MYT1L: variants seen among roughly 807,000 people sequenced by gnomAD.
MYT1L encodes myelin transcription factor 1-like protein.
Under a neutral mutation model 126.7 loss-of-function variants are expected in MYT1L, and 12 were observed. That is an observed-to-expected ratio of 0.09 (90% CI 0.06 to 0.15). MYT1L has a LOEUF of 0.15. Among genes scored for constraint, MYT1L ranks in the 10% least tolerant of loss-of-function variants. MYT1L has a pLI of 1.00. For synonymous variants in MYT1L, 541 were observed against 604.2 expected (o/e 0.90, Z 1.53); for missense variants, 979 against 1,585.2 (o/e 0.62, Z 6.49).
chr2:1,794,979 C>T (rs185816423), intron 23 of MYT1L, among the ~76,000 whole-genome samples: 2 of 152,308 alleles, frequency 1.3e-5, no homozygotes, highest in African/African-American at 4.8e-5. Flanking sequence ...CCAGAACCGA[C>T]GGGTATCTGC....
At chr2:1,989,183 A>G (rs1231899670) in intron 5 of MYT1L, among the ~76,000 whole-genome samples, 2 of 152,124 alleles carry the variant, frequency 1.3e-5, no homozygotes, top group African/African-American at 4.8e-5. Context: ...TCTTTTCTAG[A>G]TGAGAATATT....
At chr2:1,968,939 T>C (rs957247014) in intron 8 of MYT1L, among the ~76,000 whole-genome samples, 4 of 152,036 alleles carry the variant, frequency 2.6e-5, no homozygotes, top group African/African-American at 9.7e-5. Context: ...GCCCCCTAGG[T>C]GCTTCTGGGG....
chr2:2,155,060 G>C (rs2086501026), intron 3 of MYT1L, among the ~76,000 whole-genome samples: 1 of 152,232 alleles, frequency 6.6e-6, no homozygotes. Flanking sequence ...CTGGGAGGCA[G>C]AGGTTGCAGT....
chr2:2,239,782 G>A (rs1476954628), intron 2 of MYT1L, among the ~76,000 whole-genome samples: 1 of 152,190 alleles, frequency 6.6e-6, no homozygotes, highest in Non-Finnish European at 1.5e-5. Context: ...AAAGGCAGGT[G>A]GGTAATCTGC....
chr2:1,824,280 T>C (rs969249576), intron 21 of MYT1L: 10 of 152,264 alleles, frequency 6.6e-5, no homozygotes, highest in Non-Finnish European at 1.0e-4. Context: ...TGGTATTTTC[T>C]CCACGTCTCT....
chr2:2,005,099 A>ATGCGTTCTTTCCTGC (rs2063079953), intron 4 of MYT1L, among the ~76,000 whole-genome samples: 1 of 81,452 alleles, frequency 1.2e-5, no homozygotes, highest in African/African-American at 5.1e-5. Flanking sequence ...TTCTTTCCTG[A>ATGCGTTCTTTCCTGC]ATATGTTCTT....
At chr2:2,329,773 G>A (rs766001940) in intron 1 of MYT1L, among the ~76,000 whole-genome samples, 91 of 152,228 alleles carry the variant, frequency 6.0e-4, no homozygotes, top group South Asian at 1.4e-3. Flanking sequence ...TATCACTCAA[G>A]TATAACTTTA....
At chr2:1,858,270 G>C (rs775532769) in intron 18 of MYT1L, among the ~76,000 whole-genome samples, 1 of 152,184 alleles carries the variant, frequency 6.6e-6, no homozygotes, top group South Asian at 2.1e-4. Flanking sequence ...AAAAAGGCTC[G>C]ATACCCATTT....
At chr2:2,276,502 G>A (rs1018548796) in intron 2 of MYT1L, among the ~76,000 whole-genome samples, 2 of 152,154 alleles carry the variant, frequency 1.3e-5, no homozygotes, top group African/African-American at 4.8e-5. Context: ...GCTGGGGAAC[G>A]GGGAGGGCTA....
At chr2:1,823,782 G>A (rs1275177409) in intron 21 of MYT1L, among the ~76,000 whole-genome samples, 3 of 152,298 alleles carry the variant, frequency 2.0e-5, no homozygotes, top group Non-Finnish European at 2.9e-5. Flanking sequence ...GGCTGGAGGC[G>A]TGTTCAGCCC....
chr2:2,068,180 A>G (rs2074105914), intron 3 of MYT1L, among the ~76,000 whole-genome samples: 1 of 152,162 alleles, frequency 6.6e-6, no homozygotes, highest in Non-Finnish European at 1.5e-5. Flanking sequence ...GAGACACTTT[A>G]GAAGCCACCC....
chr2:1,864,951 C>T (rs1030908965), intron 18 of MYT1L, among the ~76,000 whole-genome samples: 1 of 152,176 alleles, frequency 6.6e-6, no homozygotes, highest in Non-Finnish European at 1.5e-5. Flanking sequence ...TAGTTGTGCC[C>T]GATTGCTGAG....
At chr2:2,154,617 A>T (rs1241014903) in intron 3 of MYT1L, among the ~76,000 whole-genome samples, 1 of 152,216 alleles carries the variant, frequency 6.6e-6, no homozygotes, top group Non-Finnish European at 1.5e-5. Context: ...TATAAGTGGG[A>T]CTTGAATGAA....
rs150294414 is a variant in MYT1L, at chr2:1,817,658, G to C, written c.3081-8491C>G. Among the ~76,000 whole-genome samples the C allele has an allele frequency of 7.0e-3, 1,072 of 152,276 alleles. 14 individuals are homozygous for C. The highest frequency in any genetic ancestry group is 0.037 in the Admixed American group (569 of 15,300). On this transcript the variant is annotated intron_variant, in intron 21 of 24. Transcript: ENST00000647738. Reference sequence around the variant, plus strand: ...TGGGAGCAGGCCCAGCGCGGCCCTGGGGGGTGGTGGCGGCCCTGGTGCGGT... The same window carrying C: ...TGGGAGCAGGCCCAGCGCGGCCCTGCGGGGTGGTGGCGGCCCTGGTGCGGT...
At chr2:1,927,953 T>C (rs1232633054) in intron 9 of MYT1L, among the ~76,000 whole-genome samples, 1 of 152,118 alleles carries the variant, frequency 6.6e-6, no homozygotes, top group Non-Finnish European at 1.5e-5. Flanking sequence ...ACCATCTATA[T>C]ATTTCTTTTT....
intron 19 of MYT1L, among the ~76,000 whole-genome samples, chr2:1,851,162 G>T (rs1028647800): frequency 6.6e-6 from 1 of 151,962 alleles, no homozygotes; most frequent in African/African-American, 2.4e-5. Flanking sequence ...CTTCTTTTTG[G>T]GAGAGACAGT....
At chr2:2,142,384 T>A (rs2084125845) in intron 3 of MYT1L, among the ~76,000 whole-genome samples, 2 of 152,188 alleles carry the variant, frequency 1.3e-5, no homozygotes, top group Admixed American at 1.3e-4. Context: ...GTCCTATGCA[T>A]CTTATCAACT....
At chr2:1,925,473 A>G (rs903102327) in intron 9 of MYT1L, among the ~76,000 whole-genome samples, 1 of 152,216 alleles carries the variant, frequency 6.6e-6, no homozygotes, top group Admixed American at 6.5e-5. Context: ...TTCTCCCTTC[A>G]GCAGCACGTA....
chr2:1,795,211 A>T (rs915449598), intron 23 of MYT1L, among the ~76,000 whole-genome samples: 90 of 152,308 alleles, frequency 5.9e-4, no homozygotes, highest in African/African-American at 2.1e-3. Context: ...TTTCTGGAAA[A>T]TGGGAGTAAT....
Sources: allele counts gnomAD v4.1 joint callset (sites outside exome capture counted in the v4.1 genomes callset), GRCh38; gene constraint gnomAD v4.1.1; transcripts MANE v1.5; gene names NCBI Gene and HGNC (gene_info 2026-07-23, HGNC 2026-07-21).